EXOC4: variants seen among roughly 807,000 people sequenced by gnomAD.
EXOC4 encodes exocyst complex component 4, also known as SEC8-like 1.
In EXOC4, 71 loss-of-function variants were observed where a neutral mutation model predicts 107.2. That is an observed-to-expected ratio of 0.66 (90% CI 0.55 to 0.81). The LOEUF is 0.81. Among genes scored for constraint, EXOC4 ranks in the 30% least tolerant of loss-of-function variants. The pLI, the probability that EXOC4 is intolerant of heterozygous loss-of-function variation, is 0.00. For missense variants in EXOC4, 1,108 were observed against 1,189.6 expected (o/e 0.93, Z 1.01); for synonymous variants, 456 against 441.2 (o/e 1.03, Z -0.42).
intron 11 of EXOC4, among the ~76,000 whole-genome samples, chr7:133,840,700 C>A (rs769606987): frequency 6.6e-6 from 1 of 151,864 alleles, no homozygotes; most frequent in Non-Finnish European, 1.5e-5. Flanking sequence ...ACAGGATGGT[C>A]TCCATCTCCT....
intron 9 of EXOC4, among the ~76,000 whole-genome samples, chr7:133,561,579 A>C (rs1471735878): frequency 1.3e-5 from 2 of 152,190 alleles, no homozygotes; most frequent in Admixed American, 1.3e-4. Context: ...ACTGAGCTGG[A>C]ATGCTGACTC....
In EXOC4 at chr7:133,885,042, G is replaced by A. The variant is rs143527143; in HGVS notation, c.1735-10557G>A. Reference sequence around the variant, plus strand: ...TTAAGATACAGCATAGTGGCCAGGCGCAGTGGCTCACGCCTATAATCCCAG... The same window carrying A: ...TTAAGATACAGCATAGTGGCCAGGCACAGTGGCTCACGCCTATAATCCCAG... On this transcript the variant is annotated intron_variant, in intron 11 of 17. Coordinates refer to ENST00000253861, the MANE Select transcript of EXOC4 (RefSeq NM_021807.4). Among the ~76,000 whole-genome samples the A allele has an allele frequency of 9.9e-5, 15 of 152,224 alleles. No individual in the cohort carries two copies. The East Asian group carries it at 1.5e-3, about 16-fold the overall frequency.
chr7:134,083,028 T>A, the EXOC4 span, among the ~76,000 whole-genome samples: 1 of 152,184 alleles, frequency 6.6e-6, no homozygotes, highest in African/African-American at 2.4e-5. Flanking sequence ...TGGAAGGAAC[T>A]GGAAAAGGGT....
intron 7 of EXOC4, among the ~76,000 whole-genome samples, chr7:133,394,907 G>A (rs1379760209): frequency 2.0e-5 from 3 of 149,246 alleles, no homozygotes; most frequent in Admixed American, 1.3e-4. Context: ...AGGGGAAAAT[G>A]TAAAAAAGAA....
At chr7:133,846,679 T>C (rs6975134) in intron 11 of EXOC4, among the ~76,000 whole-genome samples, 70,119 of 152,172 alleles carry the variant, frequency 0.46, 17,179 homozygotes, top group African/African-American at 0.62. Flanking sequence ...TATGCGGCTC[T>C]GCCTTTGTGG....
At chr7:133,288,156 A>T (rs536713628) in intron 2 of EXOC4, among the ~76,000 whole-genome samples, 1 of 152,128 alleles carries the variant, frequency 6.6e-6, no homozygotes, top group East Asian at 1.9e-4. Context: ...ATGGTTTTTA[A>T]AATTTTTCCA....
chr7:133,522,830 G>C lies in EXOC4; in HGVS notation c.1417+42692G>C, dbSNP rs1267576509. ...AAGATTTAAAATGCTTTCATTCTGTGGGTGACTAGAATGAAATGGGAGCCT... is the reference window on the plus strand; with the variant it reads ...AAGATTTAAAATGCTTTCATTCTGTCGGTGACTAGAATGAAATGGGAGCCT... On this transcript the variant is annotated intron_variant, in intron 9 of 17. Transcript: ENST00000253861. Among the ~76,000 whole-genome samples the C allele has an allele frequency of 2.0e-5, 3 of 152,100 alleles. No individual in the cohort carries two copies. In the East Asian group the frequency reaches 5.8e-4, roughly 29 times the overall value.
chr7:133,953,491 T>A (rs536419917), intron 14 of EXOC4, among the ~76,000 whole-genome samples: 15 of 151,134 alleles, frequency 9.9e-5, no homozygotes, highest in South Asian at 2.1e-4. Flanking sequence ...CAAAAAAAAA[T>A]TTTTTTTTAA....
chr7:133,746,147 G>A (rs1331751100), intron 10 of EXOC4, among the ~76,000 whole-genome samples: 1 of 151,980 alleles, frequency 6.6e-6, no homozygotes, highest in African/African-American at 2.4e-5. Context: ...TTTTAGAAGT[G>A]GCCATTCCAA....
intron 12 of EXOC4, among the ~76,000 whole-genome samples, chr7:133,907,615 A>G (rs918306683): frequency 2.0e-5 from 3 of 152,152 alleles, no homozygotes; most frequent in African/African-American, 7.2e-5. Context: ...AGGTGGGTGG[A>G]TCACCTTGAG....
chr7:133,303,125 C>T (rs958692017), intron 3 of EXOC4, among the ~76,000 whole-genome samples: 1 of 152,146 alleles, frequency 6.6e-6, no homozygotes. Flanking sequence ...GTTTCAAACT[C>T]CTTAAAACCA....
intron 14 of EXOC4, 100 bp downstream of exon 14, chr7:133,938,169 G>A (rs911863800): frequency 3.3e-5 from 39 of 1,168,872 alleles, no homozygotes; most frequent in East Asian, 1.2e-4. Context: ...GTATGGGGGC[G>A]TGTCCCAAGC....
intron 17 of EXOC4, among the ~76,000 whole-genome samples, chr7:134,034,077 A>G (rs1000262737): frequency 1.9e-4 from 29 of 152,242 alleles, no homozygotes; most frequent in Admixed American, 6.5e-4. Flanking sequence ...TCGTGTCTAA[A>G]AGAGACTTGA....
At chr7:133,679,098 G>T (rs1047445304) in intron 10 of EXOC4, among the ~76,000 whole-genome samples, 1 of 151,978 alleles carries the variant, frequency 6.6e-6, no homozygotes, top group African/African-American at 2.4e-5. Flanking sequence ...TTAGGTCCTT[G>T]CCTTGGTGTG....
At chr7:133,282,629 A>T (rs1031572561) in intron 2 of EXOC4, among the ~76,000 whole-genome samples, 2 of 152,152 alleles carry the variant, frequency 1.3e-5, no homozygotes, top group African/African-American at 4.8e-5. Flanking sequence ...TATTAAAAAA[A>T]CCTTTTTTTT....
At chr7:133,869,524 A>G (rs961555115) in intron 11 of EXOC4, among the ~76,000 whole-genome samples, 7 of 152,172 alleles carry the variant, frequency 4.6e-5, no homozygotes, top group African/African-American at 1.4e-4. Flanking sequence ...TGCCCTTTCT[A>G]TCCACACATC....
chr7:133,279,318 C>T (rs532293906), intron 2 of EXOC4, among the ~76,000 whole-genome samples: 28 of 152,206 alleles, frequency 1.8e-4, no homozygotes, highest in Admixed American at 9.8e-4. Context: ...GATTTATAAT[C>T]CTTTGGGTAG....
At chr7:133,272,890 C>T (rs954298063) in intron 1 of EXOC4, among the ~76,000 whole-genome samples, 1 of 152,154 alleles carries the variant, frequency 6.6e-6, no homozygotes, top group Admixed American at 6.5e-5. Context: ...AAGGTGTTCT[C>T]TCTGGGCCTG....
At position 133,589,935 on chromosome 7, in the gene EXOC4, C is replaced by T. The variant is rs189905719; in HGVS notation, c.1418-40110C>T. Among the ~76,000 whole-genome samples, 384 of 152,216 alleles carry T rather than the reference C, an allele frequency of 2.5e-3. 1 individual carries two copies. The highest frequency in any genetic ancestry group is 4.0e-3 in the Non-Finnish European group (269 of 68,002). ...GTTCAGCTAAAATCCAAGTTATTGT[C>T]TCACGACCAGAAAAAATTAGGCATG... On this transcript the variant is annotated intron_variant, in intron 9 of 17. Coordinates refer to ENST00000253861, the MANE Select transcript of EXOC4 (RefSeq NM_021807.4).
Sources: allele counts gnomAD v4.1 joint callset (sites outside exome capture counted in the v4.1 genomes callset), GRCh38; gene constraint gnomAD v4.1.1; transcripts MANE v1.5; gene names NCBI Gene and HGNC (gene_info 2026-07-23, HGNC 2026-07-21).